The following TAFA2 variants were observed in gnomAD, a reference collection of about 807,000 sequenced individuals.
TAFA2 encodes the protein chemokine-like protein TAFA-2.
A neutral mutation model predicts 18.8 loss-of-function variants in TAFA2; 7 were observed. The observed-to-expected ratio is 0.37, with a 90% CI of 0.21 to 0.70. The LOEUF is 0.70. TAFA2 is among the 30% of genes least tolerant of loss of function. The probability of loss-of-function intolerance (pLI) is 0.53; values close to 1 mark genes in which losing one functional copy is unlikely to be tolerated. For missense variants in TAFA2, 122 were observed against 158.1 expected (o/e 0.77, Z 1.23); for synonymous variants, 60 against 54.2 (o/e 1.11, Z -0.47).
At chr12:61,920,525 TA>T (rs914561899) in intron 1 of TAFA2, among the ~76,000 whole-genome samples, 2 of 152,214 alleles carry the variant, frequency 1.3e-5, no homozygotes, top group African/African-American at 4.8e-5. Context: ...TCTAAAAGCC[TA>T]AAACCCTTTT....
At chr12:62,116,566 A>G (rs1366070576) in intron 1 of TAFA2, among the ~76,000 whole-genome samples, 9 of 152,220 alleles carry the variant, frequency 5.9e-5, no homozygotes, top group Admixed American at 5.9e-4. Context: ...AATAAAAATG[A>G]CAGGGATTTA....
At chr12:61,798,227 T>A (rs1489480981) in intron 2 of TAFA2, among the ~76,000 whole-genome samples, 1 of 152,216 alleles carries the variant, frequency 6.6e-6, no homozygotes, top group Non-Finnish European at 1.5e-5. Context: ...AGCTAATGCA[T>A]CATGACCTAT....
At chr12:61,922,985 T>A (rs1877121588) in intron 1 of TAFA2, among the ~76,000 whole-genome samples, 1 of 152,106 alleles carries the variant, frequency 6.6e-6, no homozygotes, top group Admixed American at 6.6e-5. Context: ...ACCAGGAAGT[T>A]CAAACAGGGT....
chr12:62,238,989 C>T (rs1416212445), intron 1 of TAFA2, among the ~76,000 whole-genome samples: 3 of 152,146 alleles, frequency 2.0e-5, no homozygotes, highest in East Asian at 1.9e-4. Flanking sequence ...TAAATATGCA[C>T]GTTTTTATGA....
intron 1 of TAFA2, among the ~76,000 whole-genome samples, chr12:61,971,513 G>A (rs776736642): frequency 3.9e-4 from 59 of 151,072 alleles, no homozygotes; most frequent in Admixed American, 4.6e-4. Context: ...AGAAAATGTG[G>A]CACATATACA....
rs1182175546 is a variant in TAFA2, at chr12:61,973,394, G to GAT, written c.-1-105970_-1-105969dup. On this transcript the variant is annotated intron_variant, in intron 1 of 4. Transcript: ENST00000416284. ...TGATTTCCTTGGAAAATATTATTTA[G>GAT]ATTTTTTTTTTTTTTTTTTTAGTTT... 3.4e-5 allele frequency among the ~76,000 whole-genome samples: 3 copies of GAT among 88,736 alleles called. No homozygotes were observed. In the South Asian group the frequency reaches 1.4e-3, roughly 41 times the overall value. The allele number at this position is 88,736 out of a possible 152,430, so 58.2% of individuals were successfully genotyped here. A position where few individuals can be genotyped will look rare whatever the true frequency, so the allele number is the denominator to read the frequency against.
intron 1 of TAFA2, among the ~76,000 whole-genome samples, chr12:61,972,290 T>A (rs1879275334): frequency 9.3e-6 from 1 of 107,842 alleles, no homozygotes; most frequent in African/African-American, 3.5e-5. Context: ...TTAAAATAAA[T>A]ATAAAGTTGA....
chr12:61,778,412 G>A (rs1399087731), intron 2 of TAFA2, among the ~76,000 whole-genome samples: 1 of 151,698 alleles, frequency 6.6e-6, no homozygotes, highest in Non-Finnish European at 1.5e-5. Flanking sequence ...GACTCCCTGT[G>A]AACATCTACT....
intron 1 of TAFA2, among the ~76,000 whole-genome samples, chr12:62,145,902 C>A (rs913442838): frequency 6.6e-6 from 1 of 152,224 alleles, no homozygotes; most frequent in Non-Finnish European, 1.5e-5. Context: ...GTTGGCGATA[C>A]CCCCTTGGGT....
At chr12:61,951,361 T>C (rs1455730388) in intron 1 of TAFA2, among the ~76,000 whole-genome samples, 2 of 152,176 alleles carry the variant, frequency 1.3e-5, no homozygotes, top group African/African-American at 2.4e-5. Flanking sequence ...AGAAGCCTGA[T>C]GTTTTAAGAA....
At chr12:61,975,339 CAT>C (rs1488385810) in intron 1 of TAFA2, among the ~76,000 whole-genome samples, 3 of 151,742 alleles carry the variant, frequency 2.0e-5, no homozygotes, top group Non-Finnish European at 2.9e-5. Context: ...TGGTAACCAC[CAT>C]TCTACTCTCT....
intron 1 of TAFA2, among the ~76,000 whole-genome samples, chr12:62,247,165 T>C (rs556160843): frequency 6.6e-6 from 1 of 152,342 alleles, no homozygotes; most frequent in Non-Finnish European, 1.5e-5. Flanking sequence ...TGAAAGTTTT[T>C]AACTCTTTTT....
At chr12:62,147,543 C>T (rs2062294275) in intron 1 of TAFA2, among the ~76,000 whole-genome samples, 1 of 149,926 alleles carries the variant, frequency 6.7e-6, no homozygotes, top group Non-Finnish European at 1.5e-5. Flanking sequence ...TCCTGGCTAA[C>T]ACAGTGAACC....
At chr12:62,118,714 AT>A (rs1363406136) in intron 1 of TAFA2, among the ~76,000 whole-genome samples, 2 of 152,094 alleles carry the variant, frequency 1.3e-5, no homozygotes, top group African/African-American at 4.8e-5. Flanking sequence ...ATGATCACTA[AT>A]GGATGTGATA....
At chr12:61,724,792 T>TATATACACCAGATGG (rs1211514047) in intron 4 of TAFA2, among the ~76,000 whole-genome samples, 4 of 140,076 alleles carry the variant, frequency 2.9e-5, no homozygotes, top group African/African-American at 1.2e-4. Context: ...TGTGTGTGTG[T>TATATACACCAGATGG]GTGTGTGTGT....
intron 1 of TAFA2, among the ~76,000 whole-genome samples, chr12:61,886,044 C>A (rs1875361911): frequency 1.3e-5 from 2 of 152,134 alleles, no homozygotes; most frequent in South Asian, 4.1e-4. Flanking sequence ...TGGAAATAAT[C>A]CCCATAGTTA....
At chr12:62,137,076 T>C (rs1030002359) in intron 1 of TAFA2, among the ~76,000 whole-genome samples, 1 of 152,140 alleles carries the variant, frequency 6.6e-6, no homozygotes, top group African/African-American at 2.4e-5. Context: ...AAAAGTACTA[T>C]GCTGTTAGGA....
chr12:62,057,151 T>C (rs1461030440), intron 1 of TAFA2, among the ~76,000 whole-genome samples: 1 of 152,222 alleles, frequency 6.6e-6, no homozygotes, highest in Non-Finnish European at 1.5e-5. Context: ...TTTAATGTCT[T>C]CAATGCTCAT....
At chr12:61,838,449 A>G (rs958677033) in intron 2 of TAFA2, among the ~76,000 whole-genome samples, 3 of 152,064 alleles carry the variant, frequency 2.0e-5, no homozygotes, top group African/African-American at 7.2e-5. Flanking sequence ...CCAGACAGAG[A>G]AGACAATGTA....
Sources: allele counts gnomAD v4.1 joint callset (sites outside exome capture counted in the v4.1 genomes callset), GRCh38; gene constraint gnomAD v4.1.1; transcripts MANE v1.5; gene names NCBI Gene and HGNC (gene_info 2026-07-23, HGNC 2026-07-21).